ANXA4: variants seen among roughly 807,000 people sequenced by gnomAD.
The protein encoded by ANXA4 is annexin A4, also known as 35-beta calcimedin.
ANXA4 carries 39 observed loss-of-function variants against 49.8 expected under a neutral mutation model. The observed-to-expected ratio is 0.78, with a 90% CI of 0.61 to 1.02. The LOEUF is 1.02. Ranked by LOEUF, ANXA4 falls within the 50% of genes least tolerant of loss-of-function variation. ANXA4 has a pLI of 0.00. For missense variants in ANXA4, 360 were observed against 410.1 expected (o/e 0.88, Z 1.05); for synonymous variants, 134 against 152.5 (o/e 0.88, Z 0.89).
At chr2:69,823,438 G>A (rs1257607332) in intron 12 of ANXA4, among the ~76,000 whole-genome samples, 1 of 151,692 alleles carries the variant, frequency 6.6e-6, no homozygotes, top group Non-Finnish European at 1.5e-5. Context: ...TCTCAGGTTA[G>A]GTAAAAATAT....
chr2:69,759,813 T>C (rs539200067), intron 1 of ANXA4, among the ~76,000 whole-genome samples: 32 of 152,310 alleles, frequency 2.1e-4, no homozygotes, highest in South Asian at 4.1e-4. Context: ...AAGATTAATA[T>C]TAAAAAGACA....
chr2:69,793,250 C>CAAAA (rs70954360), intron 3 of ANXA4, among the ~76,000 whole-genome samples: 1 of 128,576 alleles, frequency 7.8e-6, no homozygotes, highest in African/African-American at 3.0e-5. Flanking sequence ...GACTCCATCT[C>CAAAA]AAAAAAAAAA....
At chr2:69,776,719 C>T (rs1671975387) in intron 1 of ANXA4, among the ~76,000 whole-genome samples, 1 of 152,120 alleles carries the variant, frequency 6.6e-6, no homozygotes, top group Admixed American at 6.5e-5. Context: ...ACATAAAATA[C>T]ACTAACACTA....
upstream of ANXA4, among the ~76,000 whole-genome samples, chr2:69,738,282 T>A (rs532602867): frequency 3.3e-5 from 5 of 152,228 alleles, no homozygotes; most frequent in South Asian, 8.3e-4. Context: ...AATGATTACA[T>A]CTCTTCAGGT....
At chr2:69,711,119 C>T (rs1678665211) in intron 2 of ANXA4, among the ~76,000 whole-genome samples, 1 of 152,134 alleles carries the variant, frequency 6.6e-6, no homozygotes, top group Non-Finnish European at 1.5e-5. Flanking sequence ...CACTTGAGAT[C>T]AGGAGTTTGA....
At chr2:69,763,890 T>C (rs759905451) in intron 1 of ANXA4, among the ~76,000 whole-genome samples, 11 of 152,184 alleles carry the variant, frequency 7.2e-5, no homozygotes, top group Admixed American at 2.0e-4. Context: ...CTCAAACTCC[T>C]GACCTTGTGA....
At chr2:69,799,968 G>T (rs1262518202) in intron 3 of ANXA4, among the ~76,000 whole-genome samples, 1 of 152,178 alleles carries the variant, frequency 6.6e-6, no homozygotes, top group Non-Finnish European at 1.5e-5. Context: ...CTTTCCATGG[G>T]TTATCTGTTT....
At chr2:69,643,913 G>T (rs965842383), upstream of ANXA4, 69 of 1,155,716 alleles carry the variant, frequency 6.0e-5, no homozygotes, top group Non-Finnish European at 7.3e-5. Context: ...AAGAGGACTG[G>T]GGGAAGAGGG....
chr2:69,665,122 A>G (rs1676885603), intron 2 of ANXA4, among the ~76,000 whole-genome samples: 1 of 152,114 alleles, frequency 6.6e-6, no homozygotes, highest in Non-Finnish European at 1.5e-5. Context: ...AAAAATAAAT[A>G]AAGTACTGCT....
intron 2 of ANXA4, among the ~76,000 whole-genome samples, chr2:69,708,914 T>TAAA (rs569292795): frequency 1.9e-4 from 28 of 145,126 alleles, no homozygotes; most frequent in African/African-American, 6.8e-4. Flanking sequence ...CTACCAAACT[T>TAAA]AAAAAAAAAA....
intron 2 of ANXA4, among the ~76,000 whole-genome samples, chr2:69,698,503 G>A (rs1255028243): frequency 1.3e-5 from 2 of 152,170 alleles, no homozygotes; most frequent in South Asian, 4.1e-4. Flanking sequence ...ACAGAGTGGG[G>A]ACAGCCATGA....
At chr2:69,667,431 G>C (rs183738966) in intron 2 of ANXA4, among the ~76,000 whole-genome samples, 1 of 150,006 alleles carries the variant, frequency 6.7e-6, no homozygotes, top group African/African-American at 2.5e-5. Flanking sequence ...CTCAAACCTT[G>C]TTATGACCTC....
At chr2:69,788,277 T>C in intron 3 of ANXA4, 136 bp downstream of exon 3, 1 of 745,570 alleles carries the variant, frequency 1.3e-6, no homozygotes, top group Non-Finnish European at 2.2e-6. Context: ...GTGGGGCTCA[T>C]GCCTGTCATC....
chr2:69,722,392 G>A (rs1669838333), intron 3 of ANXA4, among the ~76,000 whole-genome samples: 1 of 152,160 alleles, frequency 6.6e-6, no homozygotes, highest in African/African-American at 2.4e-5. Flanking sequence ...CAGATGAATG[G>A]ATCAGAATAT....
chr2:69,655,901 A>G (rs1450214624), intron 2 of ANXA4, among the ~76,000 whole-genome samples: 3 of 152,124 alleles, frequency 2.0e-5, no homozygotes, highest in African/African-American at 4.8e-5. Flanking sequence ...GCTGGAAACC[A>G]TCATTCTCAA....
intron 1 of ANXA4, among the ~76,000 whole-genome samples, chr2:69,742,852 C>T (rs1670456758): frequency 6.6e-6 from 1 of 152,188 alleles, no homozygotes; most frequent in South Asian, 2.1e-4. Flanking sequence ...AGAGTGGGTC[C>T]TGCATAACTC....
In ANXA4 at chr2:69,700,744, T is replaced by G. The variant is rs1233487886; in HGVS notation, n.767-20030T>G. ...TAGTGAATTCACCATTGTTGGGCAT[T>G]TAAGCTGTTTGAAGATTTTGCTGTT... On this transcript the variant is annotated intron_variant and non_coding_transcript_variant, in intron 2 of 3. Coordinates refer to the ANXA4 transcript ENST00000418066. Among the ~76,000 whole-genome samples, 4 of 152,256 alleles carry G rather than the reference T, an allele frequency of 2.6e-5. No homozygotes were observed. In the South Asian group the frequency reaches 6.2e-4, roughly 24 times the overall value.
intron 2 of ANXA4, among the ~76,000 whole-genome samples, chr2:69,669,975 A>T (rs775712327): frequency 6.6e-6 from 1 of 152,126 alleles, no homozygotes; most frequent in Non-Finnish European, 1.5e-5. Flanking sequence ...AGTTGGGGGG[A>T]AAAGTACTGA....
chr2:69,806,625 A>G (rs1673454481), intron 5 of ANXA4, 127 bp downstream of exon 5: 1 of 696,958 alleles, frequency 1.4e-6, no homozygotes, highest in Admixed American at 2.3e-5. Context: ...TAGACTGGAT[A>G]AAGAAAATGT....
Sources: allele counts gnomAD v4.1 joint callset (sites outside exome capture counted in the v4.1 genomes callset), GRCh38; gene constraint gnomAD v4.1.1; transcripts MANE v1.5; gene names NCBI Gene and HGNC (gene_info 2026-07-23, HGNC 2026-07-21).